Variants in BTBD19 observed in about 807,000 individuals in gnomAD.
The protein encoded by BTBD19 is BTB/POZ domain-containing protein 19.
A neutral mutation model predicts 36.1 loss-of-function variants in BTBD19; 20 were observed. That is an observed-to-expected ratio of 0.55 (90% CI 0.39 to 0.80). The LOEUF (loss-of-function observed/expected upper bound fraction) is 0.80. Among genes scored for constraint, BTBD19 ranks in the 30% least tolerant of loss-of-function variants. The pLI is 0.00. For synonymous variants in BTBD19, 157 were observed against 174.3 expected (o/e 0.90, Z 0.78); for missense variants, 325 against 389.8 (o/e 0.83, Z 1.40).
At chr1:44,814,152 TTC>T (rs1652587530), downstream of BTBD19, 6 of 72,984 alleles carry the variant, frequency 8.2e-5, 1 homozygote, top group Middle Eastern at 4.5e-3. Context: ...TTCTTTCTCT[TTC>T]TTTCTTTCTT....
Position 44,810,338 on chromosome 1 carries a change from C to T in BTBD19, c.212C>T (p.Pro71Leu). ...GAGCCAGGCCCCGGGGTGCCCAGTC[C>T]TGTGGTGCTAAGCACTGTGCCAACT... The change falls in exon 2 of 8, where the codon CCT (proline) becomes CTT (leucine). Residue 71 changes from proline to leucine, a missense_variant. Coordinates refer to ENST00000450269, the Ensembl canonical transcript of BTBD19. This position sits in a 1 kb window ranked among gnomAD's most constrained non-coding sequence, Gnocchi z 4.2. The T allele has an allele frequency of 6.4e-7, 1 of 1,551,822 alleles. No homozygotes were observed.
At chr1:44,811,245 T>C (rs1156572461) in intron 3 of BTBD19, among the ~76,000 whole-genome samples, 1 of 133,226 alleles carries the variant, frequency 7.5e-6, no homozygotes, top group Non-Finnish European at 1.6e-5. Flanking sequence ...AAAAAGAAAG[T>C]GTGATAGAGA....
chr1:44,815,419 T>C (rs1652658542), downstream of BTBD19: 1 of 152,216 alleles, frequency 6.6e-6, no homozygotes. Context: ...TGCAGACCCC[T>C]CTGCTACCTC....
downstream of BTBD19, chr1:44,814,184 T>TTC (rs763608180): frequency 1.4e-5 from 2 of 144,036 alleles, no homozygotes; most frequent in South Asian, 2.1e-4. Context: ...CTTTCTTTCT[T>TTC]TCTTTCTTTC....
Position 44,812,984 on chromosome 1 carries a change from T to A in BTBD19, c.415-12T>A. The A allele has an allele frequency of 6.5e-7, 1 of 1,547,884 alleles. No homozygotes were observed. Among genetic ancestry groups the A allele is most frequent in the Non-Finnish European group, 8.7e-7 (1 of 1,144,494 alleles). ...CCAGTCTCCAACCTGATCTCCCTCA[T>A]TCTGCTCGCAGGTGGCCGTAACCTT... On this transcript the variant is annotated splice_polypyrimidine_tract_variant and intron_variant, in intron 4 of 7. Coordinates refer to ENST00000450269, the Ensembl canonical transcript of BTBD19.
exon 8 of BTBD19, chr1:44,814,079 T>C: frequency 3.7e-6 from 2 of 537,702 alleles, no homozygotes; most frequent in East Asian, 6.6e-5. Flanking sequence ...TGTCGTCTAC[T>C]AGTCTATTCT....
In BTBD19 at chr1:44,812,025, AT is replaced by A. The variant is rs1557633025; in HGVS notation, c.355-11del. On this transcript the variant is annotated splice_polypyrimidine_tract_variant and intron_variant, in intron 3 of 7. Transcript: ENST00000450269. ...GGACACCGCCACCCAACCCACATTCATTTCTGTTCCCAGCTGTGCCTGCAGT... is the reference window on the plus strand; with the variant it reads ...GGACACCGCCACCCAACCCACATTCATTCTGTTCCCAGCTGTGCCTGCAGT... 2 of 1,304,708 alleles carry A rather than the reference AT, an allele frequency of 1.5e-6. No homozygotes were observed. Among genetic ancestry groups the A allele is most frequent in the Non-Finnish European group, 2.0e-6 (2 of 988,412 alleles). The allele number at this position is 1,304,708 out of a possible 1,614,324, so 80.8% of individuals were successfully genotyped here. A position where few individuals can be genotyped will look rare whatever the true frequency, so the allele number is the denominator to read the frequency against.
At chr1:44,811,504 T>C (rs1306347603) in intron 3 of BTBD19, among the ~76,000 whole-genome samples, 1 of 152,116 alleles carries the variant, frequency 6.6e-6, no homozygotes, top group Non-Finnish European at 1.5e-5. Flanking sequence ...GCCTGGTTCA[T>C]GTAGGGCCCT....
Position 44,813,343 on chromosome 1 carries a change from C to G in BTBD19, c.616-31C>G. ...CGAGACTGGTGAGCGGGCGGCAGGA[C>G]AGGTGCCCGACTCAGGGCTGGCGTT... is the stretch of plus-strand genomic sequence containing the variant. On this transcript the variant is annotated intron_variant, in intron 6 of 7. Coordinates refer to ENST00000450269, the Ensembl canonical transcript of BTBD19. The surrounding 1 kb of genome is among the most constrained non-coding windows in gnomAD (Gnocchi z 7.8). 1 of 1,542,422 alleles carries G rather than the reference C, an allele frequency of 6.5e-7. No individual in the cohort carries two copies. Among genetic ancestry groups the G allele is most frequent in the East Asian group, 2.4e-5 (1 of 40,896 alleles).
chr1:44,814,371 C>T (rs1652625826), downstream of BTBD19: 1 of 151,954 alleles, frequency 6.6e-6, no homozygotes, highest in Non-Finnish European at 1.5e-5. Flanking sequence ...CATCTCGGCT[C>T]ACTGCAAGCT....
In BTBD19 at chr1:44,810,332, C is replaced by G; in HGVS notation, c.206C>G (p.Pro69Arg). The G allele has an allele frequency of 6.4e-7, 1 of 1,551,798 alleles. No homozygotes were observed. Among genetic ancestry groups the G allele is most frequent in the Non-Finnish European group, 8.7e-7 (1 of 1,147,014 alleles). The stretch of plus-strand genomic sequence containing the variant: ...GGCACAGAGCCAGGCCCCGGGGTGC[C>G]CAGTCCTGTGGTGCTAAGCACTGTG... The change falls in exon 2 of 8, where the codon CCC (proline) becomes CGC (arginine). Residue 69 changes from proline to arginine, a missense_variant. By Grantham distance (103) the Pro-to-Arg change is moderately radical. Coordinates refer to ENST00000450269, the Ensembl canonical transcript of BTBD19. The surrounding 1 kb of genome is among the most constrained non-coding windows in gnomAD (Gnocchi z 4.2).
At chr1:44,811,553 A>G (rs1387764033) in intron 3 of BTBD19, 1 of 180,436 alleles carries the variant, frequency 5.5e-6, no homozygotes, top group Non-Finnish European at 1.2e-5. Context: ...GGCAGTGGAG[A>G]TTCACTGAAG....
chr1:44,815,155 C>G (rs1652650764), downstream of BTBD19: 1 of 152,278 alleles, frequency 6.6e-6, no homozygotes, highest in African/African-American at 2.4e-5. Context: ...TCACAGCCTT[C>G]CTGCCTTCAC....
In BTBD19 at chr1:44,813,243, G is replaced by T; in HGVS notation, c.589G>T (p.Ala197Ser). The stretch of plus-strand genomic sequence containing the variant: ...GGACGAGGCTGAACTGGTCCGCGCG[G>T]CCCGAAGCTGGGCGCGCGTGGGCGC... The change falls in exon 6 of 8, where the codon GCC becomes TCC. Residue 197 changes from alanine (A) to serine (S), a missense_variant. Physicochemically the swap from Ala to Ser is moderately conservative, Grantham distance 99. Transcript: ENST00000450269. This position sits in a 1 kb window ranked among gnomAD's most constrained non-coding sequence, Gnocchi z 7.8. 6.5e-7 allele frequency: 1 copy of T among 1,538,626 alleles called. No homozygotes were observed. The highest frequency in any genetic ancestry group is 8.7e-7 in the Non-Finnish European group (1 of 1,143,600).
Position 44,810,220 on chromosome 1 carries a change from T to C in BTBD19, c.94T>C (p.Cys32Arg). 3 of 1,551,744 alleles carry C rather than the reference T, an allele frequency of 1.9e-6. No individual in the cohort carries two copies. The highest frequency in any genetic ancestry group is 2.6e-6 in the Non-Finnish European group (3 of 1,146,806). ...TCTGCCTGTCTCCCACAGTGATGTT[T>C]GCTTCGTGGTTGGTCAAGAACGGCA... The change falls in exon 2 of 8, where the codon TGC becomes CGC. Residue 32 changes from cysteine to arginine, a missense_variant. Cys to Arg is a radical substitution (Grantham distance 180). Transcript: ENST00000450269. This position sits in a 1 kb window ranked among gnomAD's most constrained non-coding sequence, Gnocchi z 4.2.
Position 44,810,520 on chromosome 1 carries a change from C to A in BTBD19, c.301-34C>A, listed in dbSNP as rs1350640658. On this transcript the variant is annotated intron_variant, in intron 2 of 7. Coordinates refer to ENST00000450269, the Ensembl canonical transcript of BTBD19. This position sits in a 1 kb window ranked among gnomAD's most constrained non-coding sequence, Gnocchi z 4.2. ...CACTGTGGGCACAGGGCAGGGGAAA[C>A]TCCCTTCCACTCCCCCAACCACCCA... 1 of 1,550,490 alleles carries A rather than the reference C, an allele frequency of 6.4e-7. No homozygotes were observed. Among genetic ancestry groups the A allele is most frequent in the East Asian group, 2.4e-5 (1 of 40,926 alleles).
chr1:44,813,905 A>T lies in BTBD19; in HGVS notation c.*133A>T. 4 of 1,365,442 alleles carry T rather than the reference A, an allele frequency of 2.9e-6. No homozygotes were observed. In the East Asian group the frequency reaches 1.0e-4, roughly 34 times the overall value. The allele number at this position is 1,365,442 out of a possible 1,614,324, so 84.6% of individuals were successfully genotyped here. A position where few individuals can be genotyped will look rare whatever the true frequency, so the allele number is the denominator to read the frequency against. On this transcript the variant is annotated 3_prime_UTR_variant, in exon 8 of 8. Transcript: ENST00000450269. This position sits in a 1 kb window ranked among gnomAD's most constrained non-coding sequence, Gnocchi z 7.8. ...GCCCAGTGAGCCGGGCGCCGGAAGA[A>T]CCGTTGTCTGCCACGCGCAGCCCCT...
chr1:44,814,461 C>T (rs1358442379), downstream of BTBD19: 1 of 151,178 alleles, frequency 6.6e-6, no homozygotes, highest in Non-Finnish European at 1.5e-5. Context: ...CCACGCCCGG[C>T]TAATTTTTTT....
intron 4 of BTBD19, chr1:44,812,430 G>T: frequency 4.4e-6 from 2 of 455,074 alleles, no homozygotes; most frequent in Non-Finnish European, 8.8e-6. Flanking sequence ...GCTGGGTCAG[G>T]CACAACGGCT....
Sources: gnomAD v4.1 joint callset for allele counts (sites outside exome capture counted in the v4.1 genomes callset) on GRCh38, gnomAD v4.1.1 for gene constraint, Gnocchi (gnomAD v3.1) non-coding constraint, MANE v1.5 for transcripts, NCBI Gene and HGNC (gene_info 2026-07-23, HGNC 2026-07-21) for gene names.